DNAJC7: variants seen among roughly 807,000 people sequenced by gnomAD.
The protein encoded by DNAJC7 is dnaJ homolog subfamily C member 7.
A neutral mutation model predicts 67.4 loss-of-function variants in DNAJC7; 18 were observed. The ratio of observed to expected loss-of-function variants is 0.27; its 90% CI spans 0.18 to 0.40. The LOEUF is 0.40. DNAJC7 is among the 10% of genes least tolerant of loss of function. The pLI, the probability that DNAJC7 is intolerant of heterozygous loss-of-function variation, is 1.00. For missense variants in DNAJC7, 419 were observed against 613.8 expected, an observed-to-expected ratio of 0.68 and a Z score of 3.35; for synonymous variants, 220 against 207.8, an observed-to-expected ratio of 1.06 and a Z score of -0.50.
intron 4 of DNAJC7, among the ~76,000 whole-genome samples, chr17:41,995,647 T>A (rs1487318511): frequency 6.6e-6 from 1 of 152,200 alleles, no homozygotes; most frequent in Non-Finnish European, 1.5e-5. Flanking sequence ...TAGCAGGCTA[T>A]GCCACCCAGG....
intron 12 of DNAJC7, among the ~76,000 whole-genome samples, chr17:41,979,657 TA>T (rs71155200): frequency 2.5e-4 from 12 of 47,862 alleles, no homozygotes; most frequent in Admixed American, 7.9e-4. Flanking sequence ...GGCTCAGTCT[TA>T]AAAAAAAAAA....
chr17:41,986,638 CTTTT>C (rs1259059648), intron 9 of DNAJC7, among the ~76,000 whole-genome samples: 1 of 149,160 alleles, frequency 6.7e-6, no homozygotes, highest in African/African-American at 2.5e-5. Context: ...TCAAAGGGTG[CTTTT>C]TTTGTCTTCC....
chr17:41,981,517 A>G, intron 12 of DNAJC7: 1 of 206,908 alleles, frequency 4.8e-6, no homozygotes, highest in South Asian at 1.0e-4. Context: ...TTTAGTAGAG[A>G]CAGGGTTTCA....
At chr17:41,978,737 G>A (rs1417365533) in intron 12 of DNAJC7, among the ~76,000 whole-genome samples, 4 of 152,108 alleles carry the variant, frequency 2.6e-5, no homozygotes, top group African/African-American at 4.8e-5. Flanking sequence ...AAAATTAGCC[G>A]GGCGTGGTGG....
intron 1 of DNAJC7, among the ~76,000 whole-genome samples, chr17:42,012,138 G>A (rs1197360081): frequency 6.6e-6 from 1 of 152,186 alleles, no homozygotes; most frequent in Non-Finnish European, 1.5e-5. Flanking sequence ...TTTAGATCTT[G>A]TTGTCCAGTC....
At chr17:41,993,376 A>C (rs577544010) in intron 5 of DNAJC7, among the ~76,000 whole-genome samples, 1 of 152,058 alleles carries the variant, frequency 6.6e-6, no homozygotes, top group Non-Finnish European at 1.5e-5. Context: ...GGAGAATGGC[A>C]TGAACCCAGG....
intron 1 of DNAJC7, chr17:42,016,040 A>G (rs1453220217): frequency 1.3e-5 from 2 of 152,212 alleles, no homozygotes; most frequent in African/African-American, 2.4e-5. Flanking sequence ...AGCTTTAAAT[A>G]TCTAGGAAGA....
chr17:42,006,317 C>T (rs1452503973), intron 1 of DNAJC7, among the ~76,000 whole-genome samples: 1 of 151,724 alleles, frequency 6.6e-6, no homozygotes, highest in East Asian at 1.9e-4. Context: ...CCACGCCTGG[C>T]CAATTTTTTT....
intron 1 of DNAJC7, among the ~76,000 whole-genome samples, chr17:42,005,435 T>C (rs1177636735): frequency 3.3e-5 from 5 of 152,254 alleles, no homozygotes; most frequent in African/African-American, 9.6e-5. Flanking sequence ...GGTCAACTAG[T>C]CTAACTTTTA....
intron 1 of DNAJC7, among the ~76,000 whole-genome samples, chr17:42,006,341 G>A: frequency 6.6e-6 from 1 of 151,278 alleles, no homozygotes; most frequent in Non-Finnish European, 1.5e-5. Flanking sequence ...TTTGAGAAAA[G>A]AGCTTTATTT....
intron 6 of DNAJC7, among the ~76,000 whole-genome samples, 157 bp from the exon 7 acceptor site, chr17:41,989,714 A>G (rs1320850049): frequency 6.6e-6 from 1 of 152,242 alleles, no homozygotes; most frequent in Non-Finnish European, 1.5e-5. Context: ...CTTTCCCCAA[A>G]TAAACCACCT....
At chr17:42,014,943 A>C (rs2052225539) in intron 1 of DNAJC7, 2 of 151,638 alleles carry the variant, frequency 1.3e-5, no homozygotes, top group African/African-American at 4.8e-5. Flanking sequence ...TTACAGTTAC[A>C]TTTTCTTAGT....
intron 1 of DNAJC7, among the ~76,000 whole-genome samples, chr17:42,008,362 G>A (rs896234599): frequency 1.8e-4 from 27 of 151,354 alleles, no homozygotes; most frequent in African/African-American, 6.5e-4. Flanking sequence ...GTCAATATAA[G>A]TTTCACATAG....
At chr17:41,997,279 C>T (rs200575922) in intron 2 of DNAJC7, 40 bp from the exon 3 acceptor site, 9 of 1,597,452 alleles carry the variant, frequency 5.6e-6, no homozygotes, top group Non-Finnish European at 6.0e-6. Context: ...AAGTTTAGAA[C>T]AGGTCCCTGC....
rs782326342 is a variant in DNAJC7 at position 41,996,376 on chromosome 17, C to T, written c.340G>A (p.Ala114Thr). ...GCTCTCTGGAAGCTGCGACATGCTG[C>T]CATGGCATTCCCCAGAGAGAGGTGG... ...KCHLSLGNAM[A>T]ACRSFQRALE... The change falls in exon 4 of 14, where the codon GCA becomes ACA. Residue 114 changes from alanine to threonine, a missense_variant. By Grantham distance (58) the Ala-to-Thr change is moderately conservative. Transcript: ENST00000457167. 2.5e-6 allele frequency: 4 copies of T among 1,613,898 alleles called. No homozygotes were observed. The highest frequency in any genetic ancestry group is 3.4e-6 in the Non-Finnish European group (4 of 1,179,906).
chr17:41,986,847 G>A (rs2051396313), intron 9 of DNAJC7, among the ~76,000 whole-genome samples: 1 of 152,158 alleles, frequency 6.6e-6, no homozygotes, highest in African/African-American at 2.4e-5. Context: ...AAAACTAAGT[G>A]GGAGGTAGTC....
intron 10 of DNAJC7, 41 bp from the exon 11 acceptor site, chr17:41,982,442 T>C (rs1567954954): frequency 6.2e-7 from 1 of 1,607,452 alleles, no homozygotes; most frequent in Non-Finnish European, 8.5e-7. Flanking sequence ...AATCTGACTC[T>C]GGTTTTTTCC....
At chr17:42,000,640 A>C in intron 1 of DNAJC7, 70 bp from the exon 2 acceptor site, 1 of 1,242,444 alleles carries the variant, frequency 8.0e-7, no homozygotes, top group Non-Finnish European at 1.1e-6. Flanking sequence ...TTACAGGAGG[A>C]ATCTTTGGTC....
chr17:41,996,630 ACTCCGT>A (rs2051666101), intron 3 of DNAJC7, among the ~76,000 whole-genome samples: 1 of 151,692 alleles, frequency 6.6e-6, no homozygotes, highest in South Asian at 2.1e-4. Context: ...ACATGACAAA[ACTCCGT>A]CTCTTACTAA....
Sources: gnomAD v4.1 joint callset for allele counts (sites outside exome capture counted in the v4.1 genomes callset) on GRCh38, gnomAD v4.1.1 for gene constraint, MANE v1.5 for transcripts, NCBI Gene and HGNC (gene_info 2026-07-23, HGNC 2026-07-21) for gene names.